DHRSX: variants seen among roughly 807,000 people sequenced by gnomAD.
The protein encoded by DHRSX is dehydrogenase/reductase X-linked, also known as polyprenol dehydrogenase.
DHRSX carries 31 observed loss-of-function variants against 34.0 expected under a neutral mutation model. The ratio of observed to expected loss-of-function variants is 0.91; its 90% CI spans 0.69 to 1.23. The LOEUF (loss-of-function observed/expected upper bound fraction) is 1.23, where lower values mean the gene tolerates loss of function less well. Among genes scored for constraint, DHRSX ranks in the 50% most tolerant of loss-of-function variants. DHRSX has a pLI of 0.00. For missense variants in DHRSX, 414 were observed against 428.1 expected, an observed-to-expected ratio of 0.97 and a Z score of 0.29; for synonymous variants, 201 against 183.8, an observed-to-expected ratio of 1.09 and a Z score of -0.76.
At chrX:2,376,800 C>T (rs1459882325) in intron 3 of DHRSX, among the ~76,000 whole-genome samples, 1 of 152,112 alleles carries the variant, frequency 6.6e-6, no homozygotes, top group East Asian at 1.9e-4. Context: ...CTGAGACCAT[C>T]CTGCCCAACA....
chrX:2,381,797 C>CAAAAAAAAAAAAAAAA lies in DHRSX; in HGVS notation c.286+26932_286+26947dup, dbSNP rs767319246. On this transcript the variant is annotated intron_variant, in intron 3 of 6. Coordinates refer to ENST00000334651, the MANE Select transcript of DHRSX (RefSeq NM_145177.3). The stretch of plus-strand genomic sequence containing the variant: ...ATCCCCGTTCTCAGGAAGCCACAAC[C>CAAAAAAAAAAAAAAAA]AAAAAAAAAAAAAAAAAAAAAAAGC... 6.1e-5 allele frequency among the ~76,000 whole-genome samples: 5 copies of CAAAAAAAAAAAAAAAA among 81,614 alleles called. 2 individuals are homozygous for CAAAAAAAAAAAAAAAA. The highest frequency in any genetic ancestry group is 4.3e-5 in the Non-Finnish European group (2 of 46,170). 53.5% of individuals were successfully genotyped at this position (81,614 alleles called of 152,430 possible).
At chrX:2,446,585 G>T (rs1378015041) in intron 1 of DHRSX, among the ~76,000 whole-genome samples, 1 of 151,670 alleles carries the variant, frequency 6.6e-6, no homozygotes, top group East Asian at 2.0e-4. Context: ...GCGGCCAAGG[G>T]ACCACCTCCA....
intron 1 of DHRSX, among the ~76,000 whole-genome samples, chrX:2,433,673 C>A (rs1465173310): frequency 6.6e-6 from 1 of 152,042 alleles, no homozygotes; most frequent in African/African-American, 2.4e-5. Flanking sequence ...TCTGTTCCTG[C>A]GTTATTAGGC....
chrX:2,256,197 G>A (rs186221773), intron 5 of DHRSX, among the ~76,000 whole-genome samples: 128 of 151,104 alleles, frequency 8.5e-4, no homozygotes, highest in Middle Eastern at 3.4e-3. Context: ...GTTTCACCAT[G>A]TTGGCCAGGA....
intron 1 of DHRSX, among the ~76,000 whole-genome samples, chrX:2,454,002 A>C (rs1023335089): frequency 6.6e-6 from 1 of 152,194 alleles, no homozygotes; most frequent in African/African-American, 2.4e-5. Context: ...TACTTGGATT[A>C]AAACATTACA....
At chrX:2,292,372 T>A (rs1004305997) in intron 3 of DHRSX, among the ~76,000 whole-genome samples, 1 of 152,174 alleles carries the variant, frequency 6.6e-6, no homozygotes, top group East Asian at 1.9e-4. Context: ...TCAGGCCAGA[T>A]GACACTTTGG....
Position 2,442,007 on chromosome X carries a change from G to A in DHRSX, c.110-16703C>T, listed in dbSNP as rs1254501418. On this transcript the variant is annotated intron_variant, in intron 1 of 6. Coordinates refer to ENST00000334651, the MANE Select transcript of DHRSX (RefSeq NM_145177.3). ...AAGAATTGCTTGAACCCAGAAGGCA[G>A]AGGTTGCAGTGAGCTGAGATCATGC... Among the ~76,000 whole-genome samples, 3 of 152,322 alleles carry A rather than the reference G, an allele frequency of 2.0e-5. No individual in the cohort carries two copies. In the East Asian group the frequency reaches 5.8e-4, roughly 29 times the overall value.
chrX:2,282,797 A>AGCG (rs750815588), intron 4 of DHRSX, among the ~76,000 whole-genome samples: 1 of 94,034 alleles, frequency 1.1e-5, no homozygotes, highest in Non-Finnish European at 2.1e-5. Flanking sequence ...AGAGAGAAGA[A>AGCG]AGAGAGAAGA....
intron 1 of DHRSX, chrX:2,489,731 T>A (rs748037236): frequency 6.2e-7 from 1 of 1,613,182 alleles, no homozygotes; most frequent in Non-Finnish European, 8.5e-7. Context: ...ATAGAGCATG[T>A]ACATGGCCAC....
At chrX:2,321,541 G>C (rs2042311083) in intron 3 of DHRSX, among the ~76,000 whole-genome samples, 1 of 152,022 alleles carries the variant, frequency 6.6e-6, no homozygotes, top group Non-Finnish European at 1.5e-5. Flanking sequence ...GCCCTTGTAA[G>C]AAGAGACACC....
chrX:2,412,992 C>T (rs888353227), intron 2 of DHRSX, among the ~76,000 whole-genome samples: 4 of 152,066 alleles, frequency 2.6e-5, no homozygotes, highest in South Asian at 4.1e-4. Context: ...GTCAAGAGAT[C>T]GAGACCATCC....
At chrX:2,316,333 C>T (rs745447972) in intron 3 of DHRSX, among the ~76,000 whole-genome samples, 2 of 152,274 alleles carry the variant, frequency 1.3e-5, no homozygotes, top group East Asian at 3.9e-4. Flanking sequence ...GGGAAGATCA[C>T]CTGAGCTCAG....
At chrX:2,359,349 C>A in intron 3 of DHRSX, among the ~76,000 whole-genome samples, 1 of 152,320 alleles carries the variant, frequency 6.6e-6, no homozygotes, top group Non-Finnish European at 1.5e-5. Flanking sequence ...TGGGATCAAT[C>A]TGAATGCCCA....
At chrX:2,232,399 G>A (rs1182710677) in intron 6 of DHRSX, among the ~76,000 whole-genome samples, 11 of 151,910 alleles carry the variant, frequency 7.2e-5, no homozygotes, top group African/African-American at 1.4e-4. Flanking sequence ...TGGAATTACC[G>A]AGAACTATCT....
intron 3 of DHRSX, among the ~76,000 whole-genome samples, chrX:2,362,541 C>T (rs1349743223): frequency 1.3e-5 from 2 of 152,162 alleles, no homozygotes; most frequent in Non-Finnish European, 2.9e-5. Flanking sequence ...CCTCGTGATC[C>T]GCCCACCACA....
chrX:2,316,505 T>C (rs1239258652), intron 3 of DHRSX, among the ~76,000 whole-genome samples: 2 of 151,938 alleles, frequency 1.3e-5, no homozygotes, highest in Non-Finnish European at 2.9e-5. Flanking sequence ...TGAGCCGAGA[T>C]TGCACCACTG....
chrX:2,353,518 G>C (rs1361315429), intron 3 of DHRSX, among the ~76,000 whole-genome samples: 1 of 151,882 alleles, frequency 6.6e-6, no homozygotes, highest in Non-Finnish European at 1.5e-5. Context: ...TCATCTTTTG[G>C]GTAATAGTTG....
intron 3 of DHRSX, among the ~76,000 whole-genome samples, chrX:2,312,577 A>G (rs116696430): frequency 0.026 from 3,902 of 151,932 alleles, 153 homozygotes; most frequent in African/African-American, 0.081. Flanking sequence ...TCTTTCGGGG[A>G]CTGGGGGACT....
chrX:2,352,068 A>G (rs1471009290), intron 3 of DHRSX, among the ~76,000 whole-genome samples: 2 of 151,938 alleles, frequency 1.3e-5, no homozygotes, highest in Non-Finnish European at 2.9e-5. Context: ...TGCCCCCTAA[A>G]AGCACCATTG....
Sources: allele counts gnomAD v4.1 joint callset (sites outside exome capture counted in the v4.1 genomes callset), GRCh38; gene constraint gnomAD v4.1.1; transcripts MANE v1.5; gene names NCBI Gene and HGNC (gene_info 2026-07-23, HGNC 2026-07-21).